Variants in PPP5C observed in about 807,000 individuals in gnomAD.
The protein encoded by PPP5C is protein phosphatase 5 catalytic subunit, also known as serine/threonine-protein phosphatase 5.
A neutral mutation model predicts 66.7 loss-of-function variants in PPP5C; 21 were observed. That is an observed-to-expected ratio of 0.31 (90% confidence interval 0.22 to 0.45). The LOEUF is 0.45. Ranked by LOEUF, PPP5C falls within the 20% of genes least tolerant of loss-of-function variation. PPP5C has a pLI of 1.00. For missense variants in PPP5C, 464 were observed against 675.9 expected (o/e 0.69, Z 3.48); for synonymous variants, 246 against 257.4 (o/e 0.96, Z 0.43).
chr19:46,357,926 G>T (rs1972315156), intron 2 of PPP5C, among the ~76,000 whole-genome samples: 2 of 152,126 alleles, frequency 1.3e-5, no homozygotes, highest in South Asian at 4.2e-4. Flanking sequence ...ATTGGTCATT[G>T]GTGATCAACT....
At position 46,390,499 on chromosome 19, in the gene PPP5C, G is replaced by T; in HGVS notation, c.*153G>T. Reference sequence around the variant, plus strand: ...ATTTATTCCCCTTTAGGTTTGCAGAGGGGGTAGGGGCAGAGTCAGGGGCTG... The same window carrying T: ...ATTTATTCCCCTTTAGGTTTGCAGATGGGGTAGGGGCAGAGTCAGGGGCTG... On this transcript the variant is annotated 3_prime_UTR_variant, in exon 13 of 13. Coordinates refer to ENST00000012443, the MANE Select transcript of PPP5C (RefSeq NM_006247.4). 3.4e-6 allele frequency: 5 copies of T among 1,475,902 alleles called. No homozygotes were observed. The highest frequency in any genetic ancestry group is 4.5e-6 in the Non-Finnish European group (5 of 1,112,236). 91.4% of individuals were successfully genotyped at this position (1,475,902 alleles called of 1,614,324 possible).
At chr19:46,380,812 T>C (rs374717596) in intron 4 of PPP5C, among the ~76,000 whole-genome samples, 1 of 152,332 alleles carries the variant, frequency 6.6e-6, no homozygotes. Context: ...AGTCTGCTTT[T>C]TTCTTCACTG....
intron 2 of PPP5C, among the ~76,000 whole-genome samples, chr19:46,367,070 A>G (rs1445178271): frequency 6.6e-6 from 1 of 152,184 alleles, no homozygotes; most frequent in Non-Finnish European, 1.5e-5. Context: ...TAGGTGCGGG[A>G]CTAGTGGGCT....
At position 46,376,744 on chromosome 19, in the gene PPP5C, T is replaced by G. The variant is rs369655793; in HGVS notation, c.633+170T>G. 211 of 925,920 alleles carry G rather than the reference T, an allele frequency of 2.3e-4. No individual in the cohort carries two copies. Among genetic ancestry groups the G allele is most frequent in the Non-Finnish European group, 2.8e-4 (180 of 639,148 alleles). The allele number at this position is 925,920 out of a possible 1,614,324, so 57.4% of individuals were successfully genotyped here. ...CGAGGGCTTACCACATGATCTCATC[T>G]CGTCCCACAGCAGTTTGGGGAGGTG... On this transcript the variant is annotated intron_variant, in intron 4 of 12. Coordinates refer to ENST00000012443, the MANE Select transcript of PPP5C (RefSeq NM_006247.4). This position sits in a 1 kb window ranked among gnomAD's most constrained non-coding sequence, Gnocchi z 5.1.
At chr19:46,387,856 G>C in intron 9 of PPP5C, 1 of 721,076 alleles carries the variant, frequency 1.4e-6, no homozygotes. Context: ...GGCTGGTGCT[G>C]GGTGCTCAGG....
At chr19:46,354,158 G>A (rs541647731) in intron 2 of PPP5C, among the ~76,000 whole-genome samples, 169 bp downstream of exon 2, 7 of 152,246 alleles carry the variant, frequency 4.6e-5, no homozygotes, top group Admixed American at 1.3e-4. Context: ...CCACAGCTCT[G>A]CTCAGCCATC....
At chr19:46,371,843 G>C (rs1389200374) in intron 2 of PPP5C, among the ~76,000 whole-genome samples, 3 of 152,198 alleles carry the variant, frequency 2.0e-5, no homozygotes, top group Non-Finnish European at 4.4e-5. Flanking sequence ...CTTCTGGGCT[G>C]CTGCTCATTG....
intron 1 of PPP5C, among the ~76,000 whole-genome samples, chr19:46,351,053 G>A (rs1216958390): frequency 2.0e-5 from 3 of 152,124 alleles, no homozygotes; most frequent in African/African-American, 7.2e-5. Context: ...CTCTCTGTGG[G>A]CCTCAGTGCC....
At chr19:46,352,968 G>C (rs988345565) in intron 1 of PPP5C, among the ~76,000 whole-genome samples, 1 of 152,188 alleles carries the variant, frequency 6.6e-6, no homozygotes, top group African/African-American at 2.4e-5. Context: ...AGGGGGACCT[G>C]TGTACTAAAG....
intron 7 of PPP5C, among the ~76,000 whole-genome samples, chr19:46,385,179 A>G (rs1972860741): frequency 6.6e-6 from 1 of 152,144 alleles, no homozygotes; most frequent in African/African-American, 2.4e-5. Flanking sequence ...CCTTATTCTA[A>G]TTTGCACAAG....
intron 6 of PPP5C, chr19:46,384,569 C>T (rs1395201717): frequency 4.3e-6 from 2 of 470,044 alleles, no homozygotes; most frequent in East Asian, 3.9e-5. Flanking sequence ...GCAGGGTCCT[C>T]AGTGCCATAC....
At chr19:46,386,099 G>T (rs140324003) in intron 7 of PPP5C, among the ~76,000 whole-genome samples, 1 of 152,204 alleles carries the variant, frequency 6.6e-6, no homozygotes, top group South Asian at 2.1e-4. Context: ...TGACGAAGAC[G>T]GGAACATGTA....
chr19:46,371,396 A>G (rs570012226), intron 2 of PPP5C, among the ~76,000 whole-genome samples: 18 of 152,332 alleles, frequency 1.2e-4, no homozygotes, highest in African/African-American at 3.6e-4. Flanking sequence ...AGCGCTCGCC[A>G]GGGCCCAGGG....
rs113425354 is a variant in PPP5C at position 46,364,195 on chromosome 19, A to G, written c.363+10206A>G. Among the ~76,000 whole-genome samples the G allele has an allele frequency of 1.6e-4, 24 of 152,060 alleles. No individual in the cohort carries two copies. In the South Asian group the frequency reaches 2.3e-3, roughly 14 times the overall value. ...ATCAGAGAGAACAGAGGCATCAAAA[A>G]ATATATATATACGTGTGTGTGTGTA... On this transcript the variant is annotated intron_variant, in intron 2 of 12. Coordinates refer to ENST00000012443, the MANE Select transcript of PPP5C (RefSeq NM_006247.4).
chr19:46,347,300 T>C (rs1300376559), intron 1 of PPP5C, 83 bp downstream of exon 1: 1 of 1,480,222 alleles, frequency 6.8e-7, no homozygotes, highest in Non-Finnish European at 9.0e-7. Context: ...AACGCGGAGC[T>C]GCAGCCTGGG....
chr19:46,348,714 G>A (rs755655506), intron 1 of PPP5C, among the ~76,000 whole-genome samples: 8 of 152,126 alleles, frequency 5.3e-5, no homozygotes, highest in Non-Finnish European at 1.0e-4. Flanking sequence ...TCTAGTAAGA[G>A]GGTCTAGAGG....
At chr19:46,351,813 G>C (rs1409661887) in intron 1 of PPP5C, among the ~76,000 whole-genome samples, 1 of 152,252 alleles carries the variant, frequency 6.6e-6, no homozygotes, top group African/African-American at 2.4e-5. Context: ...CAACAGTGAC[G>C]ATGAGAGTGG....
chr19:46,380,212 C>T (rs1050191610), intron 4 of PPP5C, among the ~76,000 whole-genome samples: 10 of 151,812 alleles, frequency 6.6e-5, no homozygotes, highest in Non-Finnish European at 1.5e-4. Flanking sequence ...CCCAGCTGCT[C>T]GAGAGGCTGA....
intron 2 of PPP5C, among the ~76,000 whole-genome samples, chr19:46,354,847 A>G (rs4803933): frequency 0.22 from 32,560 of 151,406 alleles, 4,161 homozygotes; most frequent in Non-Finnish European, 0.3. Flanking sequence ...CAGACAGGAT[A>G]TGTGTGATAT....
Sources: allele counts gnomAD v4.1 joint callset (sites outside exome capture counted in the v4.1 genomes callset), GRCh38; gene constraint gnomAD v4.1.1; non-coding constraint Gnocchi (gnomAD v3.1); transcripts MANE v1.5; gene names NCBI Gene and HGNC (gene_info 2026-07-23, HGNC 2026-07-21).